Variants in EYS observed in about 807,000 individuals in gnomAD.
The protein encoded by EYS is protein eyes shut homolog.
Under a neutral mutation model 282.1 loss-of-function variants are expected in EYS, and 250 were observed. The observed-to-expected ratio is 0.89, with a 90% CI of 0.80 to 0.98. The LOEUF is 0.98. Among genes scored for constraint, EYS ranks in the 50% least tolerant of loss-of-function variants. The pLI is 0.00. For synonymous variants in EYS, 1,355 were observed against 1,282.9 expected, an observed-to-expected ratio of 1.06 and a Z score of -1.20; for missense variants, 4,016 against 3,709.0, an observed-to-expected ratio of 1.08 and a Z score of -2.15.
In EYS at chr6:65,412,299, G is replaced by T. The variant is rs141739555; in HGVS notation, c.863-6932C>A. On this transcript the variant is annotated intron_variant, in intron 5 of 42. Coordinates refer to ENST00000503581, the MANE Select transcript of EYS (RefSeq NM_001142800.2). ...CTAAACTGACTAAGACACAAATAAA[G>T]CTACCACGAATATTAATATATAGGC... 4.5e-3 allele frequency among the ~76,000 whole-genome samples: 683 copies of T among 152,158 alleles called. 9 individuals are homozygous for T. The highest frequency in any genetic ancestry group is 0.016 in the African/African-American group (648 of 41,532).
rs534024452 is a variant in EYS, at chr6:64,547,805, G to A, written c.5644+42418C>T. On this transcript the variant is annotated intron_variant, in intron 26 of 42. Coordinates refer to ENST00000503581, the MANE Select transcript of EYS (RefSeq NM_001142800.2). ...CGTTGGTCGGGGCGGCTCGGGCTGC[G>A]CAGGAGCCCATGGCAGTGGGGAGGC... is the stretch of plus-strand genomic sequence containing the variant. Among the ~76,000 whole-genome samples the A allele has an allele frequency of 3.3e-4, 51 of 152,306 alleles. No individual in the cohort carries two copies. In the South Asian group the frequency reaches 8.5e-3, roughly 25 times the overall value.
chr6:64,702,286 A>G (rs1770819794), intron 22 of EYS, among the ~76,000 whole-genome samples: 1 of 152,134 alleles, frequency 6.6e-6, no homozygotes, highest in Non-Finnish European at 1.5e-5. Flanking sequence ...GCCTACCAGT[A>G]TCAATCATAC....
chr6:65,557,308 T>C (rs11752211), intron 2 of EYS, among the ~76,000 whole-genome samples: 20,235 of 152,134 alleles, frequency 0.13, 1,725 homozygotes, highest in African/African-American at 0.23. Context: ...GTGAGGAGTG[T>C]GTGCGTGAAA....
At position 65,393,903 on chromosome 6, in the gene EYS, A is replaced by C. The variant is rs183242196; in HGVS notation, c.1184+8575T>G. On this transcript the variant is annotated intron_variant, in intron 7 of 42. Coordinates refer to ENST00000503581, the MANE Select transcript of EYS (RefSeq NM_001142800.2). ...AATATCATTATCGTTGAAATATCTC[A>C]GAATTTTGGAGGAGAAAATAAAAGG... Among the ~76,000 whole-genome samples the C allele has an allele frequency of 1.0e-3, 155 of 152,326 alleles. 1 individual carries two copies. Among genetic ancestry groups the C allele is most frequent in the African/African-American group, 3.6e-3 (151 of 41,600 alleles).
intron 35 of EYS, among the ~76,000 whole-genome samples, chr6:63,896,739 A>G (rs1321744583): frequency 6.6e-6 from 1 of 152,218 alleles, no homozygotes; most frequent in Non-Finnish European, 1.5e-5. Context: ...TCCTCTGGCA[A>G]TCAATGATCT....
intron 22 of EYS, among the ~76,000 whole-genome samples, chr6:64,720,632 A>G (rs1771546427): frequency 6.6e-6 from 1 of 152,164 alleles, no homozygotes; most frequent in Non-Finnish European, 1.5e-5. Context: ...AGTAGATAGA[A>G]CCTCATTAAT....
intron 31 of EYS, among the ~76,000 whole-genome samples, chr6:64,191,095 C>G (rs1013253946): frequency 3.3e-5 from 5 of 152,048 alleles, no homozygotes; most frequent in African/African-American, 1.2e-4. Context: ...TAAAAATATT[C>G]TGCATAGTAA....
chr6:64,249,063 C>CAAAAAAAAAAAAAAAAAAAAAAAAAAAA (rs34663169), intron 30 of EYS, among the ~76,000 whole-genome samples: 3 of 70,058 alleles, frequency 4.3e-5, no homozygotes, highest in African/African-American at 1.4e-4. Context: ...CACCCTGTCT[C>CAAAAAAAAAAAAAAAAAAAAAAAAAAAA]AAAAAAAAAA....
chr6:65,062,315 C>A (rs1457853603), intron 12 of EYS, among the ~76,000 whole-genome samples: 2 of 152,062 alleles, frequency 1.3e-5, no homozygotes, highest in African/African-American at 4.8e-5. Context: ...TTGTTCCTCA[C>A]CCTCCCTGAA....
chr6:64,837,611 G>A (rs1357854706), intron 19 of EYS, among the ~76,000 whole-genome samples: 6 of 146,090 alleles, frequency 4.1e-5, no homozygotes, highest in Admixed American at 1.4e-4. Flanking sequence ...TGATATATAT[G>A]ATATATGATA....
chr6:65,029,151 T>G (rs1211768778), intron 13 of EYS, among the ~76,000 whole-genome samples: 1 of 152,154 alleles, frequency 6.6e-6, no homozygotes, highest in East Asian at 1.9e-4. Flanking sequence ...ATATTTAAGG[T>G]TTCTCTTTTA....
At chr6:65,241,500 A>G (rs1767057319) in intron 12 of EYS, among the ~76,000 whole-genome samples, 1 of 152,128 alleles carries the variant, frequency 6.6e-6, no homozygotes, top group African/African-American at 2.4e-5. Flanking sequence ...TTTTAAAATC[A>G]AGACCCACCT....
At chr6:64,896,158 G>T (rs929796560) in intron 18 of EYS, among the ~76,000 whole-genome samples, 1 of 152,160 alleles carries the variant, frequency 6.6e-6, no homozygotes, top group Admixed American at 6.5e-5. Context: ...GGCAGAATAG[G>T]AATAGCTCAG....
At chr6:64,288,603 A>C (rs181272715) in intron 30 of EYS, among the ~76,000 whole-genome samples, 5 of 152,294 alleles carry the variant, frequency 3.3e-5, no homozygotes, top group Non-Finnish European at 7.4e-5. Context: ...ATCTGGCCTG[A>C]TAACACATCC....
chr6:64,160,069 C>A (rs1457052387), intron 31 of EYS, among the ~76,000 whole-genome samples: 1 of 152,130 alleles, frequency 6.6e-6, no homozygotes, highest in Non-Finnish European at 1.5e-5. Context: ...CGAGTTGCCA[C>A]CCCAATGATC....
chr6:65,016,296 G>A (rs948696714), intron 13 of EYS, among the ~76,000 whole-genome samples: 3 of 152,010 alleles, frequency 2.0e-5, no homozygotes, highest in Non-Finnish European at 4.4e-5. Context: ...TTGATATCAA[G>A]TTCATTATGA....
chr6:64,255,486 G>A (rs1767359716), intron 30 of EYS, among the ~76,000 whole-genome samples: 1 of 151,904 alleles, frequency 6.6e-6, no homozygotes, highest in African/African-American at 2.4e-5. Context: ...ATTTAGTATT[G>A]TAAAATTAAA....
At chr6:64,714,142 G>A (rs1377835413) in intron 22 of EYS, among the ~76,000 whole-genome samples, 1 of 152,124 alleles carries the variant, frequency 6.6e-6, no homozygotes, top group Non-Finnish European at 1.5e-5. Context: ...TAAAATAAAT[G>A]GAAAGACTTG....
intron 35 of EYS, among the ~76,000 whole-genome samples, chr6:63,876,861 T>A (rs1037335856): frequency 6.6e-5 from 10 of 152,212 alleles, no homozygotes; most frequent in African/African-American, 2.4e-4. Context: ...CCTATGTGTG[T>A]CTCTGCATGT....
Sources: allele counts gnomAD v4.1 joint callset (sites outside exome capture counted in the v4.1 genomes callset), GRCh38; gene constraint gnomAD v4.1.1; transcripts MANE v1.5; gene names NCBI Gene and HGNC (gene_info 2026-07-23, HGNC 2026-07-21).